The following NALCN variants were observed in gnomAD, a reference collection of about 807,000 sequenced individuals.
NALCN encodes the protein sodium leak channel, non-selective, also known as sodium leak channel NALCN.
A neutral mutation model predicts 225.3 loss-of-function variants in NALCN; 111 were observed. That is an observed-to-expected ratio of 0.49 (90% CI 0.42 to 0.58). NALCN has a LOEUF of 0.58. NALCN is among the 20% of genes least tolerant of loss of function. The pLI, the probability that NALCN is intolerant of heterozygous loss-of-function variation, is 0.00. For synonymous variants in NALCN, 764 were observed against 769.0 expected, an observed-to-expected ratio of 0.99 and a Z score of 0.11; for missense variants, 1,378 against 2,202.4, an observed-to-expected ratio of 0.63 and a Z score of 7.49.
chr13:101,344,168 A>AT (rs2045644369), intron 7 of NALCN, among the ~76,000 whole-genome samples: 1 of 152,200 alleles, frequency 6.6e-6, no homozygotes. Context: ...GGTATAATTC[A>AT]TGATGCCTCT....
At position 101,335,175 on chromosome 13, in the gene NALCN, A is replaced by G. The variant is rs530073059; in HGVS notation, c.799+10091T>C. On this transcript the variant is annotated intron_variant, in intron 7 of 43. Coordinates refer to ENST00000251127, the MANE Select transcript of NALCN (RefSeq NM_052867.4). ...ACTCCTCTAGTCACTATCTTTTCTC[A>G]TCCATTCAACAAGAACTCCTAAACA... Among the ~76,000 whole-genome samples, 3 of 152,186 alleles carry G rather than the reference A, an allele frequency of 2.0e-5. No homozygotes were observed. In the East Asian group the frequency reaches 5.8e-4, roughly 29 times the overall value.
intron 7 of NALCN, among the ~76,000 whole-genome samples, chr13:101,333,907 C>T (rs1264836030): frequency 1.3e-5 from 2 of 152,128 alleles, no homozygotes. Context: ...GTCATACATT[C>T]AAACGAACAG....
At position 101,111,089 on chromosome 13, in the gene NALCN, T is replaced by TA. The variant is rs756013541; in HGVS notation, c.2294+35dup. 6.3e-6 allele frequency: 10 copies of TA among 1,579,674 alleles called. No homozygotes were observed. In the Admixed American group the frequency reaches 6.8e-5, roughly 11 times the overall value. ...CATTTCCTGTAAAACCCCCCTTTTTTAGAGTCTCTGAAGCCCTGTCTTCCC... is the reference window on the plus strand; with the variant it reads ...CATTTCCTGTAAAACCCCCCTTTTTTAAGAGTCTCTGAAGCCCTGTCTTCCC... On this transcript the variant is annotated intron_variant, in intron 19 of 43. Transcript: ENST00000251127.
intron 28 of NALCN, among the ~76,000 whole-genome samples, chr13:101,094,446 T>C (rs983380444): frequency 6.6e-6 from 1 of 152,188 alleles, no homozygotes; most frequent in African/African-American, 2.4e-5. Context: ...CATGATATTA[T>C]CTTTGAATTA....
At chr13:101,072,875 T>C (rs971471325) in intron 37 of NALCN, among the ~76,000 whole-genome samples, 18 of 152,220 alleles carry the variant, frequency 1.2e-4, no homozygotes, top group Non-Finnish European at 2.2e-4. Flanking sequence ...TAACCACATA[T>C]GGCTAGTGGC....
At chr13:101,301,146 T>C (rs1594633604) in intron 7 of NALCN, among the ~76,000 whole-genome samples, 1 of 152,218 alleles carries the variant, frequency 6.6e-6, no homozygotes, top group Non-Finnish European at 1.5e-5. Flanking sequence ...TTCACTATAG[T>C]ATTCACAAAT....
At chr13:101,176,456 A>G in intron 14 of NALCN, 82 bp from the exon 15 acceptor site, 4 of 940,708 alleles carry the variant, frequency 4.3e-6, no homozygotes, top group Non-Finnish European at 4.6e-6. Flanking sequence ...GCTACCTAAA[A>G]TATATTGAGT....
At chr13:101,367,450 A>C (rs1310396778) in intron 6 of NALCN, among the ~76,000 whole-genome samples, 1 of 152,076 alleles carries the variant, frequency 6.6e-6, no homozygotes, top group Non-Finnish European at 1.5e-5. Flanking sequence ...TGCCTAAGGT[A>C]ATTAATCTTT....
intron 7 of NALCN, among the ~76,000 whole-genome samples, chr13:101,339,047 C>T (rs2045474795): frequency 1.3e-5 from 2 of 152,270 alleles, no homozygotes; most frequent in South Asian, 4.2e-4. Flanking sequence ...CACAGTGTCG[C>T]CTCTTTTATG....
intron 7 of NALCN, among the ~76,000 whole-genome samples, chr13:101,331,581 AC>A (rs2045173855): frequency 6.6e-6 from 1 of 152,070 alleles, no homozygotes; most frequent in Admixed American, 6.6e-5. Flanking sequence ...GTTTTTGGGT[AC>A]ACACTGTGAA....
chr13:101,403,256 G>A (rs976155321), intron 1 of NALCN, among the ~76,000 whole-genome samples: 1 of 152,182 alleles, frequency 6.6e-6, no homozygotes, highest in African/African-American at 2.4e-5. Flanking sequence ...CATTCTTGAA[G>A]CTTACGAACT....
chr13:101,316,237 G>T (rs112252049), intron 7 of NALCN, among the ~76,000 whole-genome samples: 1 of 152,054 alleles, frequency 6.6e-6, no homozygotes, highest in African/African-American at 2.4e-5. Context: ...GATGACAATG[G>T]TCTAATTCAT....
intron 15 of NALCN, among the ~76,000 whole-genome samples, chr13:101,159,942 A>AT (rs757396270): frequency 2.7e-4 from 40 of 148,176 alleles, no homozygotes; most frequent in African/African-American, 8.5e-4. Context: ...GTTTTTTGTT[A>AT]TTTTTTGTTA....
At chr13:101,377,084 G>C (rs1450079471) in intron 4 of NALCN, 28 bp from the exon 5 acceptor site, 1 of 1,613,626 alleles carries the variant, frequency 6.2e-7, no homozygotes, top group African/African-American at 1.3e-5. Flanking sequence ...GGTAAATGAG[G>C]TTGGATTTTC....
At chr13:101,146,349 G>A (rs1310432903) in intron 15 of NALCN, among the ~76,000 whole-genome samples, 3 of 152,154 alleles carry the variant, frequency 2.0e-5, no homozygotes, top group Non-Finnish European at 4.4e-5. Flanking sequence ...AGTGCTCAAC[G>A]CAGTAATGTG....
At chr13:101,395,156 T>C (rs2047252158) in intron 3 of NALCN, 27 bp downstream of exon 3, 5 of 1,590,930 alleles carry the variant, frequency 3.1e-6, no homozygotes, top group South Asian at 1.1e-5. Context: ...TTTAGGTTCT[T>C]AGTTTAAATG....
intron 30 of NALCN, among the ~76,000 whole-genome samples, chr13:101,087,126 G>A (rs953604528): frequency 6.6e-6 from 1 of 151,986 alleles, no homozygotes; most frequent in Non-Finnish European, 1.5e-5. Context: ...ACATAGTAGA[G>A]AAATCAGAAA....
intron 15 of NALCN, among the ~76,000 whole-genome samples, chr13:101,171,234 C>A (rs1391676068): frequency 1.4e-5 from 2 of 146,700 alleles, no homozygotes; most frequent in Non-Finnish European, 3.0e-5. Flanking sequence ...TATACTGTTA[C>A]ATATATTACA....
Position 101,322,418 on chromosome 13 carries a change from CTTACT to C in NALCN, c.799+22843_799+22847del, listed in dbSNP as rs146894279. Among the ~76,000 whole-genome samples, 465 of 152,282 alleles carry C rather than the reference CTTACT, an allele frequency of 3.1e-3. 1 individual carries two copies. Among genetic ancestry groups the C allele is most frequent in the African/African-American group, 0.011 (437 of 41,568 alleles). ...GTATAACTTAATCAGTATAAAATTC[CTTACT>C]TTAAAGTATATGTTTTTATATTAAT... On this transcript the variant is annotated intron_variant, in intron 7 of 43. Transcript: ENST00000251127.
Sources: gnomAD v4.1 joint callset for allele counts (sites outside exome capture counted in the v4.1 genomes callset) on GRCh38, gnomAD v4.1.1 for gene constraint, MANE v1.5 for transcripts, NCBI Gene and HGNC (gene_info 2026-07-23, HGNC 2026-07-21) for gene names.